Variants in MYOZ3 observed in about 807,000 individuals in gnomAD.
MYOZ3 encodes myozenin 3.
In MYOZ3, 19 loss-of-function variants were observed where a neutral mutation model predicts 26.5. The observed-to-expected ratio is 0.72, with a 90% CI of 0.50 to 1.05. The LOEUF is 1.05. Among genes scored for constraint, MYOZ3 ranks in the 50% least tolerant of loss-of-function variants. The pLI is 0.00. For missense variants in MYOZ3, 322 were observed against 337.1 expected (o/e 0.96, Z 0.35); for synonymous variants, 135 against 138.8 (o/e 0.97, Z 0.19).
At position 150,679,318 on chromosome 5, in the gene MYOZ3, A is replaced by C. The variant is rs1030629340; in HGVS notation, c.*2443A>C. The C allele has an allele frequency of 6.6e-6, 1 of 151,614 alleles. No individual in the cohort carries two copies. Among genetic ancestry groups the C allele is most frequent in the African/African-American group, 2.4e-5 (1 of 41,228 alleles). 9.4% of individuals were successfully genotyped at this position (151,614 alleles called of 1,614,324 possible). A position where few individuals can be genotyped will look rare whatever the true frequency, so the allele number is the denominator to read the frequency against. ...ACTTTTTCTGGTGTTGTAAAAAAGA[A>C]AAAAAAAAGAATGCTCATTGTAAAA... On this transcript the variant is annotated 3_prime_UTR_variant, in exon 7 of 7. Transcript: ENST00000517768.
chr5:150,672,072 C>T, intron 5 of MYOZ3, 164 bp downstream of exon 5: 1 of 1,188,784 alleles, frequency 8.4e-7, no homozygotes, highest in Non-Finnish European at 1.2e-6. Flanking sequence ...GGAGGGGCGC[C>T]GCGCCCCAGG....
At chr5:150,673,170 T>G (rs1758950990) in intron 6 of MYOZ3, 1 of 152,416 alleles carries the variant, frequency 6.6e-6, no homozygotes, top group Admixed American at 6.5e-5. Flanking sequence ...CTGCCCGTGT[T>G]GACCTTGGGC....
chr5:150,670,886 C>CAAAAAAAAAAAAAAAA (rs61577179), intron 3 of MYOZ3: 1 of 67,800 alleles, frequency 1.5e-5, no homozygotes, highest in African/African-American at 6.0e-5. Flanking sequence ...TGGCTCCTAC[C>CAAAAAAAAAAAAAAAA]AAAAAAAAAA....
chr5:150,671,887 A>AG lies in MYOZ3; in HGVS notation c.404dup (p.Ser135ArgfsTer110). 6.4e-7 allele frequency: 1 copy of AG among 1,568,590 alleles called. No homozygotes were observed. The highest frequency in any genetic ancestry group is 8.6e-7 in the Non-Finnish European group (1 of 1,162,238). ...AGCCGCCCCTGCTGGGTGCGTCCCC[A>AG]GCCCCAGCGCCCTGGCGCCAGGTGA... On this transcript the variant is annotated frameshift_variant, in exon 5 of 7. Coordinates refer to ENST00000517768, the MANE Select transcript of MYOZ3 (RefSeq NM_001122853.3). LOFTEE classifies it high-confidence loss of function.
intron 2 of MYOZ3, among the ~76,000 whole-genome samples, chr5:150,665,453 C>T (rs145866330): frequency 6.4e-4 from 97 of 152,244 alleles, no homozygotes; most frequent in African/African-American, 2.3e-3. Context: ...GCATCCACCA[C>T]GAGACTGAGT....
intron 5 of MYOZ3, 79 bp downstream of exon 5, chr5:150,671,987 C>T: frequency 6.9e-7 from 1 of 1,449,492 alleles, no homozygotes; most frequent in Non-Finnish European, 9.1e-7. Flanking sequence ...GCAGGAAGAG[C>T]ACCCAGAAGG....
intron 6 of MYOZ3, among the ~76,000 whole-genome samples, chr5:150,675,798 G>A (rs1486803092): frequency 4.6e-5 from 7 of 152,190 alleles, no homozygotes; most frequent in East Asian, 1.9e-4. Flanking sequence ...CAGTGCCTAC[G>A]CGCCTGTGCT....
chr5:150,671,399 T>C, intron 3 of MYOZ3, 198 bp from the exon 4 acceptor site: 1 of 611,768 alleles, frequency 1.6e-6, no homozygotes, highest in Non-Finnish European at 2.9e-6. Context: ...GGCATTACAA[T>C]AGCAATTAAC....
Position 150,677,302 on chromosome 5 carries a change from CAT to C in MYOZ3, c.*428_*429del. The C allele has an allele frequency of 6.4e-6, 1 of 155,196 alleles. No individual in the cohort carries two copies. Among genetic ancestry groups the C allele is most frequent in the Non-Finnish European group, 1.4e-5 (1 of 69,742 alleles). 9.6% of individuals were successfully genotyped at this position (155,196 alleles called of 1,614,324 possible). A position where few individuals can be genotyped will look rare whatever the true frequency, so the allele number is the denominator to read the frequency against. On this transcript the variant is annotated 3_prime_UTR_variant, in exon 7 of 7. Transcript: ENST00000517768. Reference sequence around the variant, plus strand: ...CAAAAATGAGTCGGACATGGTGGTGCATGCCTGTAATCCCAGCTACTTGGGAG... The same window carrying C: ...CAAAAATGAGTCGGACATGGTGGTGCGCCTGTAATCCCAGCTACTTGGGAG...
At position 150,665,017 on chromosome 5, in the gene MYOZ3, GC is replaced by G. The variant is rs1340181634; in HGVS notation, c.61+2016del. Among the ~76,000 whole-genome samples the G allele has an allele frequency of 2.4e-3, 349 of 148,182 alleles. 2 individuals carry two copies. The highest frequency in any genetic ancestry group is 8.2e-3 in the African/African-American group (329 of 40,256). On this transcript the variant is annotated intron_variant, in intron 2 of 6. Coordinates refer to ENST00000517768, the MANE Select transcript of MYOZ3 (RefSeq NM_001122853.3). ...TAAATACTATATGCTATGTTCTTTG[GC>G]TTTTTTTTTTTTTCATTTAGCAGCA...
Position 150,670,589 on chromosome 5 carries a change from AGCGCC to A in MYOZ3, c.169_173del (p.Arg57CysfsTer40), listed in dbSNP as rs1758889045. The A allele has an allele frequency of 5.0e-6, 8 of 1,613,234 alleles. No homozygotes were observed. The East Asian group carries it at 1.8e-4, about 36-fold the overall frequency. ...GGGTCCCTCCTCTTCCAGAAGAGGC[AGCGCC>A]GTGTGCAGAAGTTCACTTTCGAGTT... is the stretch of plus-strand genomic sequence containing the variant. On this transcript the variant is annotated frameshift_variant, in exon 3 of 7. Coordinates refer to ENST00000517768, the MANE Select transcript of MYOZ3 (RefSeq NM_001122853.3). LOFTEE classifies it high-confidence loss of function.
chr5:150,662,912 G>C, intron 1 of MYOZ3, 29 bp from the exon 2 acceptor site: 1 of 1,597,470 alleles, frequency 6.3e-7, no homozygotes, highest in Non-Finnish European at 8.6e-7. Flanking sequence ...AGGCAGCCTG[G>C]TCCATTTATG....
In MYOZ3 at chr5:150,672,520, GC is replaced by G. The variant is rs774009084; in HGVS notation, c.587+21del. 1 of 1,549,672 alleles carries G rather than the reference GC, an allele frequency of 6.5e-7. No individual in the cohort carries two copies. Among genetic ancestry groups the G allele is most frequent in the East Asian group, 2.3e-5 (1 of 44,162 alleles). On this transcript the variant is annotated intron_variant, in intron 6 of 6. Transcript: ENST00000517768. ...TTCAACAAGTAAGGCGGGGCGGGCA[GC>G]CCGGGGGACAGACCGGGAGGGGCGG...
intron 5 of MYOZ3, 166 bp downstream of exon 5, chr5:150,672,074 C>A: frequency 3.4e-6 from 4 of 1,175,810 alleles, no homozygotes; most frequent in Non-Finnish European, 3.6e-6. Flanking sequence ...AGGGGCGCCG[C>A]GCCCCAGGTC....
chr5:150,665,358 G>A (rs1193084671), intron 2 of MYOZ3, among the ~76,000 whole-genome samples: 1 of 152,138 alleles, frequency 6.6e-6, no homozygotes, highest in Non-Finnish European at 1.5e-5. Flanking sequence ...TGAGGCAAGG[G>A]CGCTGTGGAG....
intron 6 of MYOZ3, among the ~76,000 whole-genome samples, chr5:150,676,237 A>G (rs57418530): frequency 1.6e-5 from 2 of 128,804 alleles, no homozygotes; most frequent in Non-Finnish European, 3.0e-5. Context: ...GGCAAAGTTG[A>G]AAAAAACCTC....
chr5:150,665,018 C>A (rs80209977), intron 2 of MYOZ3, among the ~76,000 whole-genome samples: 1,464 of 141,612 alleles, frequency 0.01, 22 homozygotes, highest in African/African-American at 0.036. Context: ...TGTTCTTTGG[C>A]TTTTTTTTTT....
chr5:150,676,421 G>A (rs1396737099), intron 6 of MYOZ3, among the ~76,000 whole-genome samples: 2 of 151,864 alleles, frequency 1.3e-5, no homozygotes, highest in East Asian at 3.9e-4. Context: ...GCACGTGCCT[G>A]TAATCCCAGC....
At chr5:150,663,802 C>T (rs768043453) in intron 2 of MYOZ3, among the ~76,000 whole-genome samples, 13 of 150,554 alleles carry the variant, frequency 8.6e-5, no homozygotes, top group African/African-American at 2.2e-4. Context: ...TGAGACCAGC[C>T]GGGGCAACAT....
Sources: gnomAD v4.1 joint callset for allele counts (sites outside exome capture counted in the v4.1 genomes callset) on GRCh38, gnomAD v4.1.1 for gene constraint, MANE v1.5 for transcripts, NCBI Gene and HGNC (gene_info 2026-07-23, HGNC 2026-07-21) for gene names.